Variants in RBFOX2 observed in about 807,000 individuals in gnomAD.
RBFOX2 encodes RNA binding protein fox-1 homolog 2.
In RBFOX2, 10 loss-of-function variants were observed where a neutral mutation model predicts 49.1. The observed-to-expected ratio is 0.20, with a 90% CI of 0.13 to 0.35. RBFOX2 has a LOEUF of 0.35. Ranked by LOEUF, RBFOX2 falls within the 10% of genes least tolerant of loss-of-function variation. The probability of loss-of-function intolerance (pLI) is 1.00; values close to 1 mark genes in which losing one functional copy is unlikely to be tolerated. For synonymous variants in RBFOX2, 183 were observed against 187.4 expected (o/e 0.98, Z 0.19); for missense variants, 323 against 486.9 (o/e 0.66, Z 3.17).
intron 1 of RBFOX2, among the ~76,000 whole-genome samples, chr22:35,930,858 T>A (rs1281408364): frequency 1.3e-5 from 2 of 152,058 alleles, no homozygotes; most frequent in African/African-American, 4.8e-5. Flanking sequence ...AAAATAAAAT[T>A]GCTAATTTCT....
intron 1 of RBFOX2, among the ~76,000 whole-genome samples, chr22:35,869,414 C>A (rs2044077421): frequency 6.8e-6 from 1 of 147,842 alleles, no homozygotes; most frequent in Non-Finnish European, 1.5e-5. Context: ...CTGCCTCAGC[C>A]TCCCAAAATG....
At chr22:35,898,307 T>C in intron 1 of RBFOX2, 1 of 739,432 alleles carries the variant, frequency 1.4e-6, no homozygotes, top group Middle Eastern at 2.4e-4. Flanking sequence ...AAGCTGGCAA[T>C]GGAGTGGGCT....
chr22:35,761,293 T>G (rs1161638657), exon 8 of RBFOX2: 3 of 1,614,160 alleles, frequency 1.9e-6, no homozygotes, highest in Non-Finnish European at 2.5e-6. Context: ...GAAAGCTGGA[T>G]GCTGATTGGA....
chr22:36,015,802 C>T (rs988986072), intron 1 of RBFOX2, among the ~76,000 whole-genome samples: 1 of 151,982 alleles, frequency 6.6e-6, no homozygotes, highest in African/African-American at 2.4e-5. Context: ...GCCTTTTACC[C>T]GAAATTATTA....
chr22:35,922,222 C>T (rs1354407096), intron 1 of RBFOX2, among the ~76,000 whole-genome samples: 2 of 152,164 alleles, frequency 1.3e-5, no homozygotes, highest in Admixed American at 6.5e-5. Context: ...CTAGTATTCA[C>T]ACAGAGGGAA....
At position 35,759,794 on chromosome 22, in the gene RBFOX2, G is replaced by A. The variant is rs1008607069; in HGVS notation, c.887+94C>T. The stretch of plus-strand genomic sequence containing the variant: ...CACTGAATGCCTACTCTGTGACACG[G>A]CAACATCCCAGAAGTTATGAAAGGG... On this transcript the variant is annotated intron_variant, in intron 9 of 11. Transcript: ENST00000405409. The surrounding 1 kb of genome is among the most constrained non-coding windows in gnomAD (Gnocchi z 4.6). 9 of 1,520,052 alleles carry A rather than the reference G, an allele frequency of 5.9e-6. No homozygotes were observed. Among genetic ancestry groups the A allele is most frequent in the Admixed American group, 3.7e-5 (2 of 54,778 alleles). The allele number at this position is 1,520,052 out of a possible 1,614,324, so 94.2% of individuals were successfully genotyped here.
At chr22:35,888,515 G>A (rs2046869308) in intron 1 of RBFOX2, among the ~76,000 whole-genome samples, 1 of 152,190 alleles carries the variant, frequency 6.6e-6, no homozygotes, top group South Asian at 2.1e-4. Flanking sequence ...ACCTGAGGCT[G>A]TGTAATTGAT....
intron 1 of RBFOX2, among the ~76,000 whole-genome samples, chr22:35,849,641 T>C (rs1402242298): frequency 6.6e-6 from 1 of 152,140 alleles, no homozygotes; most frequent in Non-Finnish European, 1.5e-5. Flanking sequence ...AATCTTCAGA[T>C]AAGGACAGTA....
intron 1 of RBFOX2, among the ~76,000 whole-genome samples, chr22:35,901,366 A>T (rs2149449784): frequency 6.6e-6 from 1 of 152,302 alleles, no homozygotes; most frequent in African/African-American, 2.4e-5. Context: ...TAACAAATGA[A>T]GCCAGGTGTG....
At chr22:35,841,453 T>C (rs1958738796), upstream of RBFOX2, among the ~76,000 whole-genome samples, 2 of 152,164 alleles carry the variant, frequency 1.3e-5, no homozygotes, top group African/African-American at 4.8e-5. Flanking sequence ...ACTAGTGATC[T>C]TGGAAAAATC....
At chr22:35,955,911 G>A (rs1002111556) in intron 1 of RBFOX2, among the ~76,000 whole-genome samples, 2 of 152,208 alleles carry the variant, frequency 1.3e-5, no homozygotes, top group Non-Finnish European at 2.9e-5. Context: ...ATATGTATCT[G>A]GAAGAGGCAA....
chr22:35,928,240 C>T (rs1247634423), intron 1 of RBFOX2, among the ~76,000 whole-genome samples: 1 of 152,030 alleles, frequency 6.6e-6, no homozygotes, highest in Non-Finnish European at 1.5e-5. Flanking sequence ...GTGTGTGTGT[C>T]TGTGTCTGTT....
At chr22:35,808,542 T>C (rs1951191219) in intron 2 of RBFOX2, among the ~76,000 whole-genome samples, 1 of 152,210 alleles carries the variant, frequency 6.6e-6, no homozygotes, top group Admixed American at 6.5e-5. Context: ...AGAACATTTC[T>C]ATCTTTAGAA....
At chr22:35,907,664 T>C (rs2049275222) in intron 1 of RBFOX2, among the ~76,000 whole-genome samples, 3 of 152,170 alleles carry the variant, frequency 2.0e-5, no homozygotes, top group Non-Finnish European at 4.4e-5. Flanking sequence ...ATTTTTTTTT[T>C]TGAAACAGAG....
chr22:35,930,893 G>C (rs1366239428), intron 1 of RBFOX2, among the ~76,000 whole-genome samples: 2 of 152,120 alleles, frequency 1.3e-5, no homozygotes, highest in African/African-American at 4.8e-5. Flanking sequence ...GGAAGCCAAA[G>C]AATAGTGCCA....
At position 35,985,906 on chromosome 22, in the gene RBFOX2, A is replaced by ATG. The variant is rs1569518829; in HGVS notation, c.186+42333_186+42334insCA. 3.1e-4 allele frequency among the ~76,000 whole-genome samples: 4 copies of ATG among 12,784 alleles called. No individual in the cohort carries two copies. The East Asian group carries it at 7.6e-3, about 24-fold the overall frequency. The allele number at this position is 12,784 out of a possible 152,430, so 8.4% of individuals were successfully genotyped here. A position where few individuals can be genotyped will look rare whatever the true frequency, so the allele number is the denominator to read the frequency against. Reference sequence around the variant, plus strand: ...TAGATAGATAGATAGATAGATGGATAGATAGATAGATAGATAGATAGATAG... The same window carrying ATG: ...TAGATAGATAGATAGATAGATGGATATGGATAGATAGATAGATAGATAGATAG... On this transcript the variant is annotated intron_variant, in intron 1 of 13. Transcript: ENST00000438146.
intron 1 of RBFOX2, among the ~76,000 whole-genome samples, chr22:35,890,803 A>G (rs1419010691): frequency 6.6e-6 from 1 of 152,122 alleles, no homozygotes; most frequent in Non-Finnish European, 1.5e-5. Flanking sequence ...AAAATAAAAT[A>G]AAATGAAACA....
At position 35,938,337 on chromosome 22, in the gene RBFOX2, T is replaced by C. The variant is rs566317343; in HGVS notation, c.-34+510A>G. ...CTGACCCATAATAGGGCCTGGGCTT[T>C]TCCAGTCATCCTCCCATCTAACAAA... is the stretch of plus-strand genomic sequence containing the variant. On this transcript the variant is annotated intron_variant, in intron 1 of 13. Coordinates refer to the RBFOX2 transcript ENST00000359369. 3.9e-5 allele frequency among the ~76,000 whole-genome samples: 6 copies of C among 152,318 alleles called. 1 individual carries two copies. The South Asian group carries it at 1.2e-3, about 32-fold the overall frequency.
intron 1 of RBFOX2, among the ~76,000 whole-genome samples, chr22:36,009,612 T>C (rs1483190411): frequency 6.6e-6 from 1 of 151,758 alleles, no homozygotes; most frequent in African/African-American, 2.4e-5. Context: ...TAGTCTCAAA[T>C]TCCTGGGCTC....
Sources: allele counts gnomAD v4.1 joint callset (sites outside exome capture counted in the v4.1 genomes callset), GRCh38; gene constraint gnomAD v4.1.1; non-coding constraint Gnocchi (gnomAD v3.1); transcripts MANE v1.5; gene names NCBI Gene and HGNC (gene_info 2026-07-23, HGNC 2026-07-21).